Variants in HACE1 observed in about 807,000 individuals in gnomAD.
HACE1 encodes E3 ubiquitin-protein ligase HACE1.
In HACE1, 73 loss-of-function variants were observed where a neutral mutation model predicts 118.4. That is an observed-to-expected ratio of 0.62 (90% CI 0.51 to 0.75). The LOEUF (loss-of-function observed/expected upper bound fraction) is 0.75, where lower values mean the gene tolerates loss of function less well. Among genes scored for constraint, HACE1 ranks in the 30% least tolerant of loss-of-function variants. The pLI, the probability that HACE1 is intolerant of heterozygous loss-of-function variation, is 0.00. For synonymous variants in HACE1, 368 were observed against 374.8 expected, an observed-to-expected ratio of 0.98 and a Z score of 0.21; for missense variants, 749 against 1,102.2, an observed-to-expected ratio of 0.68 and a Z score of 4.54.
At chr6:104,794,824 G>C (rs1247712773) in intron 10 of HACE1, among the ~76,000 whole-genome samples, 1 of 152,008 alleles carries the variant, frequency 6.6e-6, no homozygotes, top group Non-Finnish European at 1.5e-5. Flanking sequence ...AGAATTGCTT[G>C]AACCTGGGAG....
At chr6:104,821,595 C>T (rs1163739504) in intron 6 of HACE1, among the ~76,000 whole-genome samples, 1 of 152,146 alleles carries the variant, frequency 6.6e-6, no homozygotes, top group Non-Finnish European at 1.5e-5. Flanking sequence ...TCATTTAATG[C>T]ATCTTTCGAG....
At chr6:104,744,640 AT>A in intron 20 of HACE1, 30 bp from the exon 21 acceptor site, 1 of 1,281,638 alleles carries the variant, frequency 7.8e-7, no homozygotes, top group Non-Finnish European at 1.1e-6. Context: ...TATTTCAATA[AT>A]TTTCTTTAGG....
intron 4 of HACE1, among the ~76,000 whole-genome samples, chr6:104,847,878 C>A (rs763169518): frequency 2.0e-5 from 3 of 151,828 alleles, no homozygotes; most frequent in African/African-American, 7.3e-5. Flanking sequence ...AATGCAATGG[C>A]GCAATCTCCA....
chr6:104,763,486 T>C (rs900002520), intron 19 of HACE1, among the ~76,000 whole-genome samples: 1 of 152,096 alleles, frequency 6.6e-6, no homozygotes, highest in Non-Finnish European at 1.5e-5. Context: ...CAGCCACCCG[T>C]GTAGACACAA....
intron 20 of HACE1, among the ~76,000 whole-genome samples, chr6:104,749,139 C>T (rs1348080767): frequency 1.3e-5 from 2 of 152,008 alleles, no homozygotes; most frequent in African/African-American, 4.8e-5. Flanking sequence ...ACATATAGGT[C>T]CAGCAAATAA....
At chr6:104,746,686 T>C (rs1371887311) in intron 20 of HACE1, among the ~76,000 whole-genome samples, 2 of 152,214 alleles carry the variant, frequency 1.3e-5, no homozygotes, top group Non-Finnish European at 2.9e-5. Flanking sequence ...TCACTAGACA[T>C]TGTTTATTCT....
chr6:104,748,182 A>C (rs1285440712), intron 20 of HACE1, among the ~76,000 whole-genome samples: 5 of 152,120 alleles, frequency 3.3e-5, no homozygotes, highest in African/African-American at 7.2e-5. Flanking sequence ...AAATATTCAT[A>C]ATACATATAT....
intron 6 of HACE1, among the ~76,000 whole-genome samples, chr6:104,831,531 G>A (rs1048356348): frequency 2.0e-5 from 3 of 151,344 alleles, no homozygotes; most frequent in Admixed American, 6.6e-5. Context: ...GTTGCAGTAA[G>A]CTGAGATTAT....
At chr6:104,737,614 T>C (rs1776049732) in intron 22 of HACE1, among the ~76,000 whole-genome samples, 1 of 152,280 alleles carries the variant, frequency 6.6e-6, no homozygotes, top group Admixed American at 6.5e-5. Flanking sequence ...TACTGCGCTT[T>C]TCCGATGGGC....
chr6:104,737,282 CAAAAAAAA>C (rs59915070), intron 22 of HACE1, among the ~76,000 whole-genome samples: 29 of 42,714 alleles, frequency 6.8e-4, no homozygotes, highest in Non-Finnish European at 6.9e-4. Flanking sequence ...GACTCTCTCT[CAAAAAAAA>C]AAAAAAAAAA....
Position 104,843,151 on chromosome 6 carries a change from CCTAA to C in HACE1, c.402+68_402+71del, listed in dbSNP as rs375953460. The C allele has an allele frequency of 1.9e-3, 1,643 of 846,048 alleles. 26 individuals are homozygous for C. The highest frequency in any genetic ancestry group is 0.015 in the South Asian group (1,107 of 75,160). The allele number at this position is 846,048 out of a possible 1,614,324, so 52.4% of individuals were successfully genotyped here. On this transcript the variant is annotated intron_variant, in intron 5 of 23. Coordinates refer to ENST00000262903, the MANE Select transcript of HACE1 (RefSeq NM_020771.4). ...GCAGAAACACTTGTACTACACTTTG[CCTAA>C]CTGTCACATTCAATATCATTTTCTA...
chr6:104,781,330 CT>C (rs139437562), intron 14 of HACE1, among the ~76,000 whole-genome samples: 1,630 of 152,178 alleles, frequency 0.011, 16 homozygotes, highest in Middle Eastern at 0.014. Context: ...CCCCATCAGT[CT>C]TTGAACACTT....
intron 19 of HACE1, among the ~76,000 whole-genome samples, chr6:104,762,061 G>A (rs1278411920): frequency 1.3e-5 from 2 of 152,210 alleles, no homozygotes; most frequent in African/African-American, 4.8e-5. Flanking sequence ...AGATGCTGGA[G>A]AGGTTGTGGA....
chr6:104,759,434 C>T (rs564806900), intron 19 of HACE1, among the ~76,000 whole-genome samples: 9 of 152,016 alleles, frequency 5.9e-5, no homozygotes, highest in East Asian at 3.9e-4. Context: ...CTGAACAACG[C>T]GCTCCTGAAT....
At chr6:104,798,976 T>C (rs551938458) in intron 7 of HACE1, among the ~76,000 whole-genome samples, 2 of 152,348 alleles carry the variant, frequency 1.3e-5, no homozygotes, top group Admixed American at 1.3e-4. Context: ...GCAGTTGTCT[T>C]ATAGCATGTA....
chr6:104,757,951 C>A (rs9499954), intron 19 of HACE1, among the ~76,000 whole-genome samples: 1 of 151,794 alleles, frequency 6.6e-6, no homozygotes, highest in African/African-American at 2.4e-5. Flanking sequence ...ATGTCAATGA[C>A]TGAAGATCAA....
At chr6:104,824,593 A>T (rs992761602) in intron 6 of HACE1, among the ~76,000 whole-genome samples, 1 of 152,248 alleles carries the variant, frequency 6.6e-6, no homozygotes, top group Non-Finnish European at 1.5e-5. Flanking sequence ...TCAAAGCATC[A>T]AAGCATAAGG....
chr6:104,742,426 A>G (rs1776856829), intron 22 of HACE1, among the ~76,000 whole-genome samples: 1 of 150,994 alleles, frequency 6.6e-6, no homozygotes, highest in Non-Finnish European at 1.5e-5. Flanking sequence ...ACAAAGGGCT[A>G]ATATCCAGAA....
At chr6:104,814,538 T>C (rs1771923058) in intron 6 of HACE1, among the ~76,000 whole-genome samples, 1 of 138,596 alleles carries the variant, frequency 7.2e-6, no homozygotes, top group Non-Finnish European at 1.6e-5. Context: ...TACTGAAGCA[T>C]ATCCTCCTCC....
Sources: gnomAD v4.1 joint callset for allele counts (sites outside exome capture counted in the v4.1 genomes callset) on GRCh38, gnomAD v4.1.1 for gene constraint, MANE v1.5 for transcripts, NCBI Gene and HGNC (gene_info 2026-07-23, HGNC 2026-07-21) for gene names.